NSG1: variants seen among roughly 807,000 people sequenced by gnomAD.
NSG1 encodes neuronal vesicle trafficking-associated protein 1.
A neutral mutation model predicts 19.3 loss-of-function variants in NSG1; 9 were observed. The observed-to-expected ratio is 0.47, with a 90% CI of 0.28 to 0.81. The LOEUF (loss-of-function observed/expected upper bound fraction) is 0.81. Among genes scored for constraint, NSG1 ranks in the 40% least tolerant of loss-of-function variants. The pLI is 0.11. For synonymous variants in NSG1, 104 were observed against 107.0 expected (o/e 0.97, Z 0.17); for missense variants, 236 against 242.4 (o/e 0.97, Z 0.18).
intron 4 of NSG1, among the ~76,000 whole-genome samples, chr4:4,411,136 G>A (rs1313466882): frequency 4.6e-5 from 7 of 152,124 alleles, no homozygotes; most frequent in Non-Finnish European, 7.4e-5. Context: ...GATTACAGGC[G>A]TGAGCCACCA....
chr4:4,409,135 A>C (rs1724026011), intron 3 of NSG1, among the ~76,000 whole-genome samples: 1 of 152,358 alleles, frequency 6.6e-6, no homozygotes, highest in Non-Finnish European at 1.5e-5. Flanking sequence ...ACTGCGTCCC[A>C]GCACTGAGCC....
chr4:4,388,997 C>T lies in NSG1; in HGVS notation c.129+1239C>T, dbSNP rs759426729. Among the ~76,000 whole-genome samples, 111 of 152,340 alleles carry T rather than the reference C, an allele frequency of 7.3e-4. 1 individual carries two copies. The highest frequency in any genetic ancestry group is 1.4e-3 in the Non-Finnish European group (96 of 68,018). ...CTGAGGCCTCAGCTTCCACTCCACC[C>T]CTCCCTGTCTAGGCATCAGACTCGT... On this transcript the variant is annotated intron_variant, in intron 2 of 4. Transcript: ENST00000621129.
chr4:4,399,163 G>A (rs1368393127), intron 3 of NSG1, among the ~76,000 whole-genome samples: 1 of 152,010 alleles, frequency 6.6e-6, no homozygotes, highest in African/African-American at 2.4e-5. Context: ...TTGTTTTTGA[G>A]ACAGGGTCTC....
intron 3 of NSG1, among the ~76,000 whole-genome samples, chr4:4,396,540 G>T (rs1260341760): frequency 6.6e-6 from 1 of 152,234 alleles, no homozygotes; most frequent in Non-Finnish European, 1.5e-5. Context: ...GACTTGGCAG[G>T]AGAGCCCTCG....
chr4:4,389,482 G>A (rs7699123), intron 2 of NSG1, among the ~76,000 whole-genome samples: 112,591 of 152,092 alleles, frequency 0.74, 42,668 homozygotes, highest in African/African-American at 0.9. Context: ...CACAATGAGG[G>A]AACTGAGCCT....
chr4:4,414,838 G>T (rs1026087749), intron 4 of NSG1, among the ~76,000 whole-genome samples: 3 of 152,058 alleles, frequency 2.0e-5, no homozygotes, highest in African/African-American at 4.8e-5. Flanking sequence ...GTGGGGAGGG[G>T]ACAGGCTTTT....
chr4:4,412,057 T>G (rs574329924), intron 4 of NSG1, among the ~76,000 whole-genome samples: 1 of 152,270 alleles, frequency 6.6e-6, no homozygotes, highest in African/African-American at 2.4e-5. Flanking sequence ...TGTGTTGTGT[T>G]CCGTCTACAC....
intron 2 of NSG1, 103 bp downstream of exon 2, chr4:4,387,861 TG>T (rs1248148880): frequency 2.0e-6 from 2 of 995,752 alleles, no homozygotes; most frequent in Non-Finnish European, 3.1e-6. Flanking sequence ...GTACGCGAAG[TG>T]GGGGCGGGCT....
Position 4,387,684 on chromosome 4 carries a change from G to T in NSG1, c.55G>T (p.Glu19Ter). 1.9e-6 allele frequency: 3 copies of T among 1,613,912 alleles called. No individual in the cohort carries two copies. Among genetic ancestry groups the T allele is most frequent in the Non-Finnish European group, 2.5e-6 (3 of 1,179,892 alleles). ...AEKGTKQPLL[E>*]DGFDTIPLMT... is the part of the protein sequence containing the mutation. ...GAAGGGCACCAAGCAGCCGCTGCTGGAGGATGGCTTCGACACCATTCCCCT... is the reference window on the plus strand; with the variant it reads ...GAAGGGCACCAAGCAGCCGCTGCTGTAGGATGGCTTCGACACCATTCCCCT... Residue 19 changes from glutamate to a stop codon, truncating the protein, a stop_gained, in exon 2 of 5, where the codon GAG becomes TAG. Transcript: ENST00000621129. LOFTEE classifies it high-confidence loss of function.
At chr4:4,404,143 A>T (rs936830941) in intron 3 of NSG1, among the ~76,000 whole-genome samples, 1 of 152,218 alleles carries the variant, frequency 6.6e-6, no homozygotes, top group Non-Finnish European at 1.5e-5. Context: ...CTCTTTTTGC[A>T]TAGCCAACAC....
intron 4 of NSG1, among the ~76,000 whole-genome samples, chr4:4,410,545 T>C (rs1370809478): frequency 2.0e-5 from 3 of 152,228 alleles, no homozygotes. Context: ...GTTGCTATAC[T>C]GAACAATGTA....
chr4:4,399,858 A>G (rs1435710424), intron 3 of NSG1, among the ~76,000 whole-genome samples: 1 of 152,234 alleles, frequency 6.6e-6, no homozygotes, highest in African/African-American at 2.4e-5. Context: ...ACTTGCATGC[A>G]CAGTTCACAA....
At chr4:4,417,001 C>A (rs1724580351) in intron 4 of NSG1, among the ~76,000 whole-genome samples, 1 of 152,138 alleles carries the variant, frequency 6.6e-6, no homozygotes, top group Admixed American at 6.5e-5. Context: ...ACCCTTGGAG[C>A]CCAAGTGCCC....
intron 4 of NSG1, among the ~76,000 whole-genome samples, chr4:4,410,736 G>A (rs1470339900): frequency 2.6e-5 from 4 of 152,284 alleles, no homozygotes; most frequent in African/African-American, 9.6e-5. Flanking sequence ...TGCGAAGGCC[G>A]AGGCATGGCT....
intron 3 of NSG1, among the ~76,000 whole-genome samples, chr4:4,402,404 T>C (rs1218079326): frequency 2.8e-5 from 2 of 71,452 alleles, no homozygotes; most frequent in Non-Finnish European, 5.5e-5. Flanking sequence ...TTTTTTTTTT[T>C]TGAGACGGAG....
intron 4 of NSG1, among the ~76,000 whole-genome samples, chr4:4,412,067 C>T (rs553398320): frequency 1.1e-4 from 17 of 152,300 alleles, no homozygotes; most frequent in African/African-American, 3.1e-4. Flanking sequence ...TCCGTCTACA[C>T]GGTGGCTGCG....
chr4:4,397,714 A>G (rs370528273), intron 3 of NSG1, among the ~76,000 whole-genome samples: 356 of 152,296 alleles, frequency 2.3e-3, no homozygotes, highest in African/African-American at 8.2e-3. Context: ...GGTGGCGGCC[A>G]TCACCCAGGA....
intron 3 of NSG1, among the ~76,000 whole-genome samples, chr4:4,399,288 A>C (rs1213866174): frequency 1.3e-5 from 2 of 152,076 alleles, no homozygotes; most frequent in African/African-American, 4.8e-5. Context: ...GACTACAGGC[A>C]TTCACCACCA....
At chr4:4,403,671 C>T (rs1402250912) in intron 3 of NSG1, among the ~76,000 whole-genome samples, 4 of 152,258 alleles carry the variant, frequency 2.6e-5, no homozygotes, top group Non-Finnish European at 5.9e-5. Context: ...TCTTTAGGGC[C>T]GTTATTCAGC....
Sources: gnomAD v4.1 joint callset for allele counts (sites outside exome capture counted in the v4.1 genomes callset) on GRCh38, gnomAD v4.1.1 for gene constraint, MANE v1.5 for transcripts, NCBI Gene and HGNC (gene_info 2026-07-23, HGNC 2026-07-21) for gene names.